The following EFR3A variants were observed in gnomAD, a reference collection of about 807,000 sequenced individuals.
EFR3A encodes EFR3 homolog A.
In EFR3A, 76 loss-of-function variants were observed where a neutral mutation model predicts 104.4. The ratio of observed to expected loss-of-function variants is 0.73; its 90% CI spans 0.60 to 0.88. The LOEUF is 0.88. Among genes scored for constraint, EFR3A ranks in the 40% least tolerant of loss-of-function variants. The pLI is 0.00. For missense variants in EFR3A, 985 were observed against 1,012.5 expected, an observed-to-expected ratio of 0.97 and a Z score of 0.37; for synonymous variants, 330 against 330.0, an observed-to-expected ratio of 1.00 and a Z score of 0.00.
Position 131,950,089 on chromosome 8 carries a change from G to A in EFR3A, c.487G>A (p.Glu163Lys), listed in dbSNP as rs751683502. 6.2e-7 allele frequency: 1 copy of A among 1,603,630 alleles called. No homozygotes were observed. The highest frequency in any genetic ancestry group is 1.3e-5 in the African/African-American group (1 of 74,768). Residue 163 changes from glutamate (E) to lysine (K), a missense_variant and splice_region_variant, in exon 5 of 23, where the codon GAG (glutamate) becomes AAG (lysine). Transcript: ENST00000254624. ...SCHSDPEIRT[E>K]IRIAGIRGIQ... ...TCATAGTGATCCAGAAATACGAACA[G>A]AGTATGTATTATTTTACTTTATGAT...
In EFR3A at chr8:131,959,668, G is replaced by T; in HGVS notation, c.855+5G>T. ...ATTATAATGTATTCCATTCAGGTAA[G>T]GTTTGATTAACTATTTACTGTATTT... On this transcript the variant is annotated splice_donor_5th_base_variant and intron_variant, in intron 8 of 22. Transcript: ENST00000254624. The T allele has an allele frequency of 6.2e-7, 1 of 1,600,610 alleles. No individual in the cohort carries two copies. The highest frequency in any genetic ancestry group is 8.5e-7 in the Non-Finnish European group (1 of 1,173,012).
chr8:131,965,979 C>T (rs557875861), intron 8 of EFR3A, among the ~76,000 whole-genome samples: 1 of 152,148 alleles, frequency 6.6e-6, no homozygotes, highest in South Asian at 2.1e-4. Flanking sequence ...CCAAACACCG[C>T]ATGTTCTCAC....
chr8:132,010,740 G>A (rs1380114035), intron 22 of EFR3A, 50 bp from the exon 23 acceptor site: 1 of 1,585,036 alleles, frequency 6.3e-7, no homozygotes, highest in Non-Finnish European at 8.6e-7. Context: ...TCGGTGAAAT[G>A]AACAGCTTGT....
chr8:131,961,355 G>C (rs1819315840), intron 8 of EFR3A, among the ~76,000 whole-genome samples: 1 of 152,172 alleles, frequency 6.6e-6, no homozygotes, highest in African/African-American at 2.4e-5. Context: ...CCAATGCAGA[G>C]AAGTCCTTAA....
At chr8:131,995,783 A>C (rs1395807574) in intron 18 of EFR3A, among the ~76,000 whole-genome samples, 1 of 152,220 alleles carries the variant, frequency 6.6e-6, no homozygotes, top group Non-Finnish European at 1.5e-5. Flanking sequence ...TAGCTAGAGC[A>C]CTCAGGTAAA....
chr8:131,955,493 A>G (rs1276262951), intron 6 of EFR3A, among the ~76,000 whole-genome samples: 1 of 152,190 alleles, frequency 6.6e-6, no homozygotes, highest in Non-Finnish European at 1.5e-5. Context: ...AAGTTGAATG[A>G]AAGTGAAAGC....
chr8:132,013,162 A>G lies in EFR3A; in HGVS notation c.*2267A>G, dbSNP rs893047985. On this transcript the variant is annotated 3_prime_UTR_variant, in exon 23 of 23. Transcript: ENST00000254624. ...TCACTGTATTGCTATATTTTTGTAG[A>G]TAAATAAAACTCAATAAATTGTTAA... The G allele has an allele frequency of 5.9e-5, 9 of 152,248 alleles. No homozygotes were observed. Among genetic ancestry groups the G allele is most frequent in the African/African-American group, 9.6e-5 (4 of 41,454 alleles). 9.4% of individuals were successfully genotyped at this position (152,248 alleles called of 1,614,324 possible).
At position 131,977,537 on chromosome 8, in the gene EFR3A, T is replaced by C. The variant is rs1394806735; in HGVS notation, c.1326+445T>C. ...AAAATGAATATTTGCCATTTAAAAT[T>C]TGAAGTGGCTATAAGTAGCTGAAAA... On this transcript the variant is annotated intron_variant, in intron 12 of 22. Transcript: ENST00000254624. 3.3e-5 allele frequency among the ~76,000 whole-genome samples: 5 copies of C among 152,200 alleles called. No individual in the cohort carries two copies. The East Asian group carries it at 9.6e-4, about 29-fold the overall frequency.
intron 10 of EFR3A, among the ~76,000 whole-genome samples, chr8:131,973,139 G>A (rs1208754146): frequency 6.7e-6 from 1 of 150,210 alleles, no homozygotes; most frequent in Non-Finnish European, 1.5e-5. Flanking sequence ...ACACAAAGTA[G>A]GCACTTAAGA....
At position 132,005,021 on chromosome 8, in the gene EFR3A, A is replaced by G. The variant is rs537587060; in HGVS notation, c.2360+1736A>G. ...TACTTACATTCATTGAACAGTTACT[A>G]CTAATAATTAACATTTTTAAACACC... On this transcript the variant is annotated intron_variant, in intron 22 of 22. Transcript: ENST00000254624. 1.8e-3 allele frequency among the ~76,000 whole-genome samples: 280 copies of G among 152,344 alleles called. 2 individuals carry two copies. The highest frequency in any genetic ancestry group is 6.5e-3 in the African/African-American group (272 of 41,584).
rs554765348 is a variant in EFR3A, at chr8:131,989,854, A to G, written c.2065+2152A>G. Among the ~76,000 whole-genome samples, 4 of 152,338 alleles carry G rather than the reference A, an allele frequency of 2.6e-5. No homozygotes were observed. The East Asian group carries it at 7.7e-4, about 29-fold the overall frequency. ...TGATCTACCTAAAGTTTATTGAACT[A>G]TTGATGCCTGGCATCATCATAATGT... On this transcript the variant is annotated intron_variant, in intron 18 of 22. Transcript: ENST00000254624.
At chr8:132,003,006 G>T (rs569081319) in intron 21 of EFR3A, among the ~76,000 whole-genome samples, 1 of 151,852 alleles carries the variant, frequency 6.6e-6, no homozygotes, top group East Asian at 1.9e-4. Flanking sequence ...TGTTTTATGT[G>T]TTTGTTGATA....
intron 1 of EFR3A, among the ~76,000 whole-genome samples, chr8:131,929,073 G>C (rs1354077802): frequency 1.3e-5 from 2 of 151,936 alleles, no homozygotes; most frequent in African/African-American, 4.8e-5. Flanking sequence ...TTTTAAATTT[G>C]TTTCTAGTTT....
At chr8:131,949,116 T>C (rs910742014) in intron 4 of EFR3A, among the ~76,000 whole-genome samples, 33 of 152,072 alleles carry the variant, frequency 2.2e-4, no homozygotes, top group African/African-American at 8.0e-4. Flanking sequence ...TACTAAATAA[T>C]ATCAATAAAT....
At chr8:131,998,432 A>T (rs1418523399) in intron 19 of EFR3A, among the ~76,000 whole-genome samples, 5 of 150,928 alleles carry the variant, frequency 3.3e-5, no homozygotes, top group East Asian at 1.9e-4. Context: ...CTTATAATTT[A>T]AAAAAAAAGA....
chr8:132,005,181 G>A (rs1343117307), intron 22 of EFR3A, among the ~76,000 whole-genome samples: 1 of 152,084 alleles, frequency 6.6e-6, no homozygotes, highest in African/African-American at 2.4e-5. Flanking sequence ...AACTTATACA[G>A]GGTCACCTAT....
intron 18 of EFR3A, among the ~76,000 whole-genome samples, chr8:131,988,602 G>A (rs953465802): frequency 6.6e-6 from 1 of 151,910 alleles, no homozygotes; most frequent in Non-Finnish European, 1.5e-5. Context: ...GGAAATAAAA[G>A]TGCTAAGAAC....
At position 131,984,126 on chromosome 8, in the gene EFR3A, C is replaced by T; in HGVS notation, c.1576-13C>T. The T allele has an allele frequency of 1.3e-6, 2 of 1,586,732 alleles. No individual in the cohort carries two copies. The highest frequency in any genetic ancestry group is 2.4e-5 in the South Asian group (2 of 84,832). On this transcript the variant is annotated splice_polypyrimidine_tract_variant and intron_variant, in intron 14 of 22. Transcript: ENST00000254624. The stretch of plus-strand genomic sequence containing the variant: ...AAGCAAAATTACCTTTGTCCTCTGT[C>T]TTTTCTCCTCAGAATGGGCAACAGC...
At chr8:131,985,219 C>G (rs1820816493) in intron 16 of EFR3A, among the ~76,000 whole-genome samples, 159 bp downstream of exon 16, 1 of 152,032 alleles carries the variant, frequency 6.6e-6, no homozygotes, top group Admixed American at 6.6e-5. Flanking sequence ...AAAACTGTAG[C>G]TACTGTTTTT....
Sources: allele counts gnomAD v4.1 joint callset (sites outside exome capture counted in the v4.1 genomes callset), GRCh38; gene constraint gnomAD v4.1.1; transcripts MANE v1.5; gene names NCBI Gene and HGNC (gene_info 2026-07-23, HGNC 2026-07-21).